Variants in TRPC5 observed in about 807,000 individuals in gnomAD.
TRPC5 encodes the protein transient receptor potential cation channel subfamily C member 5.
Under a neutral mutation model 56.5 loss-of-function variants are expected in TRPC5, and 9 were observed. That is an observed-to-expected ratio of 0.16 (90% CI 0.10 to 0.28). The LOEUF (loss-of-function observed/expected upper bound fraction) is 0.28. TRPC5 is among the 10% of genes least tolerant of loss of function. The probability of loss-of-function intolerance (pLI) is 1.00; values close to 1 mark genes in which losing one functional copy is unlikely to be tolerated. For missense variants in TRPC5, 469 were observed against 748.9 expected, an observed-to-expected ratio of 0.63 and a Z score of 4.36; for synonymous variants, 282 against 278.5, an observed-to-expected ratio of 1.01 and a Z score of -0.13.
At chrX:111,860,199 C>T (rs748300832) in intron 3 of TRPC5, among the ~76,000 whole-genome samples, 1 of 112,740 alleles carries the variant, frequency 8.9e-6, no homozygotes. Flanking sequence ...TGAGCCACTA[C>T]GCCTGGCCTA....
intron 2 of TRPC5, among the ~76,000 whole-genome samples, chrX:111,914,723 G>T (rs1781320456): frequency 8.9e-6 from 1 of 112,140 alleles, no homozygotes; most frequent in South Asian, 3.7e-4. Flanking sequence ...AAGTAAATTG[G>T]ACACAGGAAA....
intron 2 of TRPC5, among the ~76,000 whole-genome samples, chrX:111,932,701 G>A (rs1339795474): frequency 5.4e-5 from 6 of 111,353 alleles, no homozygotes; most frequent in African/African-American, 2.0e-4. Context: ...TCAATCAATG[G>A]CCATAGACAC....
intron 1 of TRPC5, among the ~76,000 whole-genome samples, chrX:112,006,180 A>G (rs1206647760): frequency 9.0e-6 from 1 of 110,779 alleles, no homozygotes; most frequent in Non-Finnish European, 1.9e-5. Flanking sequence ...AATCATCTCC[A>G]TCCAGAGGAT....
chrX:112,000,758 T>C (rs775255256), intron 1 of TRPC5, among the ~76,000 whole-genome samples: 42 of 112,224 alleles, frequency 3.7e-4, no homozygotes, highest in Non-Finnish European at 6.4e-4. Context: ...TCAGTATATC[T>C]CCTAATCTCA....
chrX:112,057,043 A>C (rs1930357235), intron 1 of TRPC5, among the ~76,000 whole-genome samples: 1 of 112,194 alleles, frequency 8.9e-6, no homozygotes, highest in Non-Finnish European at 1.9e-5. Context: ...ATCTGTAAAC[A>C]CTGGTTTTTG....
In TRPC5 at chrX:112,043,955, T is replaced by C. The variant is rs921329717; in HGVS notation, c.-22+37924A>G. On this transcript the variant is annotated intron_variant, in intron 1 of 10. Coordinates refer to ENST00000262839, the MANE Select transcript of TRPC5 (RefSeq NM_012471.3). ...AGGATAAGACAAAACTTTAGTTTAA[T>C]TGCAGTTAGCAGGAATTATTTTGAA... is the stretch of plus-strand genomic sequence containing the variant. Among the ~76,000 whole-genome samples the C allele has an allele frequency of 1.6e-4, 17 of 106,417 alleles. 1 individual carries two copies. The highest frequency in any genetic ancestry group is 7.9e-5 in the Non-Finnish European group (4 of 50,751). The allele number at this position is 106,417 out of a possible 115,157, so 92.4% of individuals were successfully genotyped here. A position where few individuals can be genotyped will look rare whatever the true frequency, so the allele number is the denominator to read the frequency against.
intron 3 of TRPC5, chrX:111,901,957 A>T (rs1925368196): frequency 8.7e-7 from 1 of 1,153,350 alleles, no homozygotes; most frequent in African/African-American, 1.8e-5. Flanking sequence ...AAGTACAAGA[A>T]GTTCCTTATG....
At chrX:111,807,782 C>G (rs773867000) in intron 7 of TRPC5, among the ~76,000 whole-genome samples, 82 of 112,343 alleles carry the variant, frequency 7.3e-4, no homozygotes, top group Non-Finnish European at 1.3e-3. Flanking sequence ...GCAGCTGTAT[C>G]TGCATTAGGG....
intron 1 of TRPC5, among the ~76,000 whole-genome samples, chrX:112,061,707 G>A (rs1390983434): frequency 9.0e-6 from 1 of 111,468 alleles, no homozygotes; most frequent in African/African-American, 3.3e-5. Flanking sequence ...ACGTCTGTAT[G>A]TGTGTGTGTA....
chrX:111,812,902 AT>A (rs1235884279), intron 7 of TRPC5, among the ~76,000 whole-genome samples: 10 of 112,676 alleles, frequency 8.9e-5, no homozygotes, highest in African/African-American at 3.2e-4. Context: ...AAACTGAATT[AT>A]AACATTATGG....
At chrX:111,999,578 T>C (rs1928642585) in intron 1 of TRPC5, among the ~76,000 whole-genome samples, 1 of 112,158 alleles carries the variant, frequency 8.9e-6, no homozygotes, top group African/African-American at 3.2e-5. Flanking sequence ...GCAGTAAACA[T>C]GGGAGTGCAG....
chrX:111,999,834 T>C (rs112531944), intron 1 of TRPC5, among the ~76,000 whole-genome samples: 6,577 of 110,775 alleles, frequency 0.059, 493 homozygotes, highest in African/African-American at 0.2. Flanking sequence ...GGCATGGTGG[T>C]ACACACCTGT....
chrX:111,873,270 G>T (rs1923817251), intron 3 of TRPC5, among the ~76,000 whole-genome samples: 1 of 111,771 alleles, frequency 8.9e-6, no homozygotes, highest in African/African-American at 3.3e-5. Context: ...AATACCACAT[G>T]TTCTCACTTA....
At chrX:112,061,592 G>C (rs1209839617) in intron 1 of TRPC5, among the ~76,000 whole-genome samples, 1 of 111,778 alleles carries the variant, frequency 8.9e-6, no homozygotes, top group African/African-American at 3.3e-5. Flanking sequence ...TTTGGGGTTA[G>C]GGCTGTGGTC....
intron 2 of TRPC5, among the ~76,000 whole-genome samples, chrX:111,931,793 C>A (rs1357543207): frequency 9.0e-6 from 1 of 111,487 alleles, no homozygotes; most frequent in African/African-American, 3.3e-5. Flanking sequence ...GTTATTTAAC[C>A]TCTTTGTGCC....
chrX:111,944,689 G>A (rs1926888521), intron 2 of TRPC5, among the ~76,000 whole-genome samples: 1 of 111,385 alleles, frequency 9.0e-6, no homozygotes, highest in South Asian at 3.9e-4. Flanking sequence ...TTTAGGTAAA[G>A]AGACACAGAA....
chrX:111,805,338 T>G (rs1057162908), intron 7 of TRPC5, among the ~76,000 whole-genome samples: 1 of 111,664 alleles, frequency 9.0e-6, no homozygotes, highest in Non-Finnish European at 1.9e-5. Context: ...TTTGCCAGGC[T>G]TTGGTATCAA....
rs577782593 is a variant in TRPC5, at chrX:111,860,130, A to G, written c.901-6024T>C. Among the ~76,000 whole-genome samples the G allele has an allele frequency of 1.4e-4, 16 of 112,214 alleles. No individual in the cohort carries two copies. In the South Asian group the frequency reaches 1.5e-3, roughly 10 times the overall value. On this transcript the variant is annotated intron_variant, in intron 3 of 10. Coordinates refer to ENST00000262839, the MANE Select transcript of TRPC5 (RefSeq NM_012471.3). ...TCACCGTGTTAGCCAGGATGGTCTG[A>G]ATCTCCTGACCTCGTGATCCGCCCA...
intron 3 of TRPC5, among the ~76,000 whole-genome samples, chrX:111,909,951 C>T (rs1227603756): frequency 9.0e-6 from 1 of 111,692 alleles, no homozygotes; most frequent in Non-Finnish European, 1.9e-5. Flanking sequence ...GCAACGGTAA[C>T]TAAAACTGGC....
Sources: gnomAD v4.1 joint callset for allele counts (sites outside exome capture counted in the v4.1 genomes callset) on GRCh38, gnomAD v4.1.1 for gene constraint, MANE v1.5 for transcripts, NCBI Gene and HGNC (gene_info 2026-07-23, HGNC 2026-07-21) for gene names.